The following ERVH48-1 variants were observed in gnomAD, a reference collection of about 807,000 sequenced individuals.
ERVH48-1 encodes the protein endogenous retrovirus group 48 member 1, envelope.
In ERVH48-1, 4 loss-of-function variants were observed where a neutral mutation model predicts 2.4. The observed-to-expected ratio is 1.68, with a 90% confidence interval of 0.83 to 3.84. The LOEUF (loss-of-function observed/expected upper bound fraction) is 3.84. Among genes scored for constraint, ERVH48-1 ranks in the 30% most tolerant of loss-of-function variants. The pLI is 0.01. For missense variants in ERVH48-1, 97 were observed against 43.4 expected, an observed-to-expected ratio of 2.23 and a Z score of -3.47; for synonymous variants, 32 against 15.5, an observed-to-expected ratio of 2.06 and a Z score of -2.49.
At position 42,923,926 on chromosome 21, in the gene ERVH48-1, T is replaced by C. The variant is rs539438287; in HGVS notation, c.-286+1420A>G. Among the ~76,000 whole-genome samples, 3 of 152,254 alleles carry C rather than the reference T, an allele frequency of 2.0e-5. No homozygotes were observed. The South Asian group carries it at 6.2e-4, about 32-fold the overall frequency. On this transcript the variant is annotated intron_variant, in intron 1 of 1. Transcript: ENST00000447535. ...GTATTCTGGAAATAAACCGAGTCTT[T>C]TGTGAATTCAAGAGCGATCAGTGAG...
intron 1 of ERVH48-1, among the ~76,000 whole-genome samples, chr21:42,922,739 CAAAAAAAAAAA>C (rs35066156): frequency 6.2e-5 from 3 of 48,196 alleles, no homozygotes; most frequent in South Asian, 7.7e-4. Context: ...GACTCCGTCT[CAAAAAAAAAAA>C]AAAAAAAAAA....
At chr21:42,920,310 C>T (rs147738460) in intron 1 of ERVH48-1, among the ~76,000 whole-genome samples, 4 of 152,230 alleles carry the variant, frequency 2.6e-5, no homozygotes, top group South Asian at 2.1e-4. Context: ...TGGCCTTGCA[C>T]GGGTTGTAGG....
In ERVH48-1 at chr21:42,922,243, C is replaced by T. The variant is rs147157638; in HGVS notation, c.-285-2952G>A. On this transcript the variant is annotated intron_variant, in intron 1 of 1. Transcript: ENST00000447535. ...AGGGTGTGGAAGTATCTCAAAACAG[C>T]GGGGTTAACCATGGATGGGGGATAA... Among the ~76,000 whole-genome samples, 203 of 150,592 alleles carry T rather than the reference C, an allele frequency of 1.3e-3. 3 individuals carry two copies. The highest frequency in any genetic ancestry group is 4.7e-3 in the African/African-American group (191 of 41,030).
Position 42,919,074 on chromosome 21 carries a change from C to A in ERVH48-1, c.-68G>T. 1 of 1,209,084 alleles carries A rather than the reference C, an allele frequency of 8.3e-7. No homozygotes were observed. Among genetic ancestry groups the A allele is most frequent in the Non-Finnish European group, 1.1e-6 (1 of 948,850 alleles). The allele number at this position is 1,209,084 out of a possible 1,614,324, so 74.9% of individuals were successfully genotyped here. A position where few individuals can be genotyped will look rare whatever the true frequency, so the allele number is the denominator to read the frequency against. On this transcript the variant is annotated 5_prime_UTR_variant, in exon 2 of 2. Coordinates refer to ENST00000447535, the MANE Select transcript of ERVH48-1 (RefSeq NM_001308491.2). ...AGAAAAAAATGTTGGTTAATTTAAACTTGGTAGGAGAAATTGGCCCAGACA... is the reference window on the plus strand; with the variant it reads ...AGAAAAAAATGTTGGTTAATTTAAAATTGGTAGGAGAAATTGGCCCAGACA...
In ERVH48-1 at chr21:42,918,862, G is replaced by A. The variant is rs1180276148; in HGVS notation, c.145C>T (p.Gln49Ter). Residue 49 changes from glutamine to a stop codon, truncating the protein, a stop_gained, in exon 2 of 2, where the codon CAG becomes TAG. Coordinates refer to ENST00000447535, the MANE Select transcript of ERVH48-1 (RefSeq NM_001308491.2). LOFTEE classifies it high-confidence loss of function. ...ATCTCCCCTCTGTAGTGCAAAGACT[G>A]ATAACACTCACGGCAGCTCGGAGGG... is the stretch of plus-strand genomic sequence containing the variant. ...AAPPSCRECY[Q>*]SLHYRGEMQQ... 13 of 457,970 alleles carry A rather than the reference G, an allele frequency of 2.8e-5. No individual in the cohort carries two copies. In the Admixed American group the frequency reaches 3.1e-4, roughly 11 times the overall value. 28.4% of individuals were successfully genotyped at this position (457,970 alleles called of 1,614,324 possible).
intron 1 of ERVH48-1, among the ~76,000 whole-genome samples, chr21:42,922,110 G>A (rs1258588524): frequency 6.6e-6 from 1 of 152,140 alleles, no homozygotes; most frequent in Non-Finnish European, 1.5e-5. Flanking sequence ...GAAATGATAA[G>A]CTATAGGCCT....
At chr21:42,920,646 A>G (rs2058802965) in intron 1 of ERVH48-1, among the ~76,000 whole-genome samples, 1 of 152,130 alleles carries the variant, frequency 6.6e-6, no homozygotes, top group African/African-American at 2.4e-5. Context: ...ATTAGCTTCA[A>G]TAGTGTGGGT....
In ERVH48-1 at chr21:42,924,595, C is replaced by T. The variant is rs189781805; in HGVS notation, c.-286+751G>A. Among the ~76,000 whole-genome samples the T allele has an allele frequency of 2.0e-3, 310 of 152,226 alleles. 1 individual carries two copies. The highest frequency in any genetic ancestry group is 3.5e-3 in the Non-Finnish European group (239 of 68,012). On this transcript the variant is annotated intron_variant, in intron 1 of 1. Transcript: ENST00000447535. Reference sequence around the variant, plus strand: ...CTTAAGTCAGTTAAAATTGTAAAGTCGTATGTTCCATTTGTGGCCCATTTG... The same window carrying T: ...CTTAAGTCAGTTAAAATTGTAAAGTTGTATGTTCCATTTGTGGCCCATTTG...
intron 1 of ERVH48-1, among the ~76,000 whole-genome samples, chr21:42,920,833 T>C (rs2058803552): frequency 6.6e-6 from 1 of 152,112 alleles, no homozygotes; most frequent in African/African-American, 2.4e-5. Context: ...GGTAGTGGCT[T>C]CAGGTAAGAG....
At chr21:42,922,074 G>A (rs1394095582) in intron 1 of ERVH48-1, among the ~76,000 whole-genome samples, 1 of 152,124 alleles carries the variant, frequency 6.6e-6, no homozygotes, top group Admixed American at 6.5e-5. Context: ...TTTGTTGGGC[G>A]GAGGAGGTGA....
chr21:42,918,493 T>G lies in ERVH48-1; in HGVS notation c.*31A>C. 2.3e-6 allele frequency: 1 copy of G among 438,966 alleles called. No homozygotes were observed. Among genetic ancestry groups the G allele is most frequent in the Non-Finnish European group, 4.6e-6 (1 of 218,112 alleles). The allele number at this position is 438,966 out of a possible 1,614,324, so 27.2% of individuals were successfully genotyped here. A position where few individuals can be genotyped will look rare whatever the true frequency, so the allele number is the denominator to read the frequency against. ...GGTTCTCCTAGATCTACAAACAGATTTTTTCCTGGCTTAGGAAGGGATGCA... is the reference window on the plus strand; with the variant it reads ...GGTTCTCCTAGATCTACAAACAGATGTTTTCCTGGCTTAGGAAGGGATGCA... On this transcript the variant is annotated 3_prime_UTR_variant, in exon 2 of 2. Transcript: ENST00000447535.
At chr21:42,922,166 T>C (rs1216856204) in intron 1 of ERVH48-1, among the ~76,000 whole-genome samples, 1 of 151,846 alleles carries the variant, frequency 6.6e-6, no homozygotes, top group East Asian at 1.9e-4. Context: ...TGATAGGAAC[T>C]GGGTGGGGAT....
rs1168725561 is a variant in ERVH48-1 at position 42,917,154 on chromosome 21, T to G, written c.*1370A>C. On this transcript the variant is annotated 3_prime_UTR_variant, in exon 2 of 2. Transcript: ENST00000447535. ...TTATAGAAAAGGGGAAAGGGACGAC[T>G]TTCTCAATAACTACTTCAGGCGTGA... 6.6e-6 allele frequency: 1 copy of G among 152,172 alleles called. No individual in the cohort carries two copies. The highest frequency in any genetic ancestry group is 2.4e-5 in the African/African-American group (1 of 41,460). The allele number at this position is 152,172 out of a possible 1,614,324, so 9.4% of individuals were successfully genotyped here.
rs1363633967 is a variant in ERVH48-1 at position 42,918,765 on chromosome 21, T to C, written c.242A>G (p.Glu81Gly). 3 of 456,742 alleles carry C rather than the reference T, an allele frequency of 6.6e-6. No homozygotes were observed. The Admixed American group carries it at 7.0e-5, about 11-fold the overall frequency. The allele number at this position is 456,742 out of a possible 1,614,324, so 28.3% of individuals were successfully genotyped here. The change falls in exon 2 of 2, where the codon GAA becomes GGA. Residue 81 changes from glutamate to glycine, a missense_variant. By Grantham distance (98) the Glu-to-Gly change is moderately conservative. Transcript: ENST00000447535. ...TACTTTATAATAACTCTTTCCTGAT[T>C]CAACACATTCCTCGATTAAGTTTCC... ...CYGNLIEECV[E>G]SGKSYYKVKN...
In ERVH48-1 at chr21:42,917,865, G is replaced by C. The variant is rs1419308174; in HGVS notation, c.*659C>G. 6.6e-6 allele frequency: 1 copy of C among 152,134 alleles called. No individual in the cohort carries two copies. Among genetic ancestry groups the C allele is most frequent in the Non-Finnish European group, 1.5e-5 (1 of 68,058 alleles). 9.4% of individuals were successfully genotyped at this position (152,134 alleles called of 1,614,324 possible). Reference sequence around the variant, plus strand: ...TACCTCCAAGGATCATTTTTCTCTGGTTATCATACACAGGGACTCTGAGGG... The same window carrying C: ...TACCTCCAAGGATCATTTTTCTCTGCTTATCATACACAGGGACTCTGAGGG... On this transcript the variant is annotated 3_prime_UTR_variant, in exon 2 of 2. Transcript: ENST00000447535.
chr21:42,922,767 T>C (rs1011810731), intron 1 of ERVH48-1, among the ~76,000 whole-genome samples: 2 of 100,350 alleles, frequency 2.0e-5, no homozygotes, highest in Non-Finnish European at 4.1e-5. Context: ...AAAAAAAAAG[T>C]GAGTGAAGGA....
chr21:42,924,018 C>G (rs1175150744), intron 1 of ERVH48-1, among the ~76,000 whole-genome samples: 2 of 152,202 alleles, frequency 1.3e-5, no homozygotes, highest in Admixed American at 1.3e-4. Flanking sequence ...GGCATTCTAG[C>G]ACAGACGCTG....
At position 42,918,846 on chromosome 21, in the gene ERVH48-1, CTG is replaced by C; in HGVS notation, c.159_160del (p.Tyr53Ter). ...AGTAAAGTATTGTTGCATCTCCCCT[CTG>C]TAGTGCAAAGACTGATAACACTCAC... On this transcript the variant is annotated stop_gained and frameshift_variant, in exon 2 of 2. Transcript: ENST00000447535. LOFTEE classifies it high-confidence loss of function. The C allele has an allele frequency of 2.2e-6, 1 of 456,996 alleles. No individual in the cohort carries two copies. The highest frequency in any genetic ancestry group is 4.4e-6 in the Non-Finnish European group (1 of 227,262). The allele number at this position is 456,996 out of a possible 1,614,324, so 28.3% of individuals were successfully genotyped here. A position where few individuals can be genotyped will look rare whatever the true frequency, so the allele number is the denominator to read the frequency against.
At chr21:42,920,325 T>C (rs894254856) in intron 1 of ERVH48-1, among the ~76,000 whole-genome samples, 1 of 152,088 alleles carries the variant, frequency 6.6e-6, no homozygotes, top group Non-Finnish European at 1.5e-5. Context: ...TGTAGGGCCA[T>C]TTGTTTGGCT....
Sources: gnomAD v4.1 joint callset for allele counts (sites outside exome capture counted in the v4.1 genomes callset) on GRCh38, gnomAD v4.1.1 for gene constraint, MANE v1.5 for transcripts, NCBI Gene and HGNC (gene_info 2026-07-23, HGNC 2026-07-21) for gene names.